Variants in DST observed in about 807,000 individuals in gnomAD.
DST encodes bullous pemphigoid antigen.
A neutral mutation model predicts 875.2 loss-of-function variants in DST; 253 were observed. The ratio of observed to expected loss-of-function variants is 0.29; its 90% CI spans 0.26 to 0.32. DST has a LOEUF of 0.32. DST is among the 10% of genes least tolerant of loss of function. The pLI, the probability that DST is intolerant of heterozygous loss-of-function variation, is 1.00. For synonymous variants in DST, 3,124 were observed against 3,197.1 expected, an observed-to-expected ratio of 0.98 and a Z score of 0.77; for missense variants, 8,287 against 9,111.6, an observed-to-expected ratio of 0.91 and a Z score of 3.68.
intron 7 of DST, among the ~76,000 whole-genome samples, chr6:56,702,735 G>A (rs1482472656): frequency 6.6e-6 from 1 of 152,118 alleles, no homozygotes; most frequent in Non-Finnish European, 1.5e-5. Context: ...AGGAAACAGA[G>A]GAAACAGAGC....
chr6:56,773,845 C>T (rs1422978111), intron 4 of DST, among the ~76,000 whole-genome samples: 3 of 152,038 alleles, frequency 2.0e-5, no homozygotes, highest in Admixed American at 6.6e-5. Flanking sequence ...AGGCTGGGCG[C>T]GGTGGCTCAC....
intron 78 of DST, among the ~76,000 whole-genome samples, chr6:56,503,659 G>A (rs2096218639): frequency 1.4e-5 from 2 of 146,344 alleles, no homozygotes; most frequent in African/African-American, 5.0e-5. Context: ...ATATCAGAAA[G>A]GCTATAAATC....
intron 88 of DST, 28 bp from the exon 89 acceptor site, chr6:56,482,905 A>G (rs1165930327): frequency 2.7e-6 from 4 of 1,461,982 alleles, no homozygotes; most frequent in Non-Finnish European, 3.6e-6. Flanking sequence ...TGAAAAATTA[A>G]TTTTAATTAC....
At chr6:56,632,090 A>G in intron 28 of DST, 50 bp from the exon 29 acceptor site, 1 of 1,472,204 alleles carries the variant, frequency 6.8e-7, no homozygotes, top group Non-Finnish European at 9.4e-7. Flanking sequence ...ATCTCTTAGA[A>G]GCTTCTGTTT....
chr6:56,651,869 C>T (rs1179344840), intron 10 of DST, among the ~76,000 whole-genome samples: 2 of 152,172 alleles, frequency 1.3e-5, no homozygotes, highest in African/African-American at 2.4e-5. Context: ...GGTTCGTGTA[C>T]ATGTATATGT....
chr6:56,563,532 T>C (rs1021823725), intron 55 of DST, among the ~76,000 whole-genome samples: 2 of 152,214 alleles, frequency 1.3e-5, no homozygotes, highest in African/African-American at 4.8e-5. Context: ...ATTCTGTAGG[T>C]TGCCTGTTCA....
chr6:56,463,502 TC>T, intron 101 of DST, 62 bp downstream of exon 101: 1 of 1,420,242 alleles, frequency 7.0e-7, no homozygotes, highest in South Asian at 1.4e-5. Context: ...AATAGAACAT[TC>T]AAAAGTCTAC....
rs557181382 is a variant in DST at position 56,525,005 on chromosome 6, C to A, written c.18129+1356G>T. ...CCCCCATGCCTTTGGAAAACATACG[C>A]AAAACCTTGAAGAACCTGGCCACAG... On this transcript the variant is annotated intron_variant, in intron 69 of 103. Coordinates refer to ENST00000680361, the MANE Select transcript of DST (RefSeq NM_001374736.1). 5.3e-5 allele frequency among the ~76,000 whole-genome samples: 8 copies of A among 152,162 alleles called. No homozygotes were observed. The South Asian group carries it at 1.7e-3, about 32-fold the overall frequency.
intron 4 of DST, among the ~76,000 whole-genome samples, chr6:56,798,734 G>C (rs1474747963): frequency 6.6e-6 from 1 of 152,080 alleles, no homozygotes; most frequent in African/African-American, 2.4e-5. Context: ...AAATTCAATT[G>C]AAAATATTCT....
chr6:56,515,266 CAT>C lies in DST; in HGVS notation c.18576+182_18576+183del, dbSNP rs5876514. ...ATGACATATACAACAAGTATATCCA[CAT>C]GAGTCTTCTCACTATAACCCTGTAT... On this transcript the variant is annotated intron_variant, in intron 72 of 103. Coordinates refer to ENST00000680361, the MANE Select transcript of DST (RefSeq NM_001374736.1). 0.66 allele frequency among the ~76,000 whole-genome samples: 100,411 copies of C among 151,828 alleles called. 33,677 individuals are homozygous for C. The highest frequency in any genetic ancestry group is 0.7 in the Non-Finnish European group (47,747 of 67,850).
intron 49 of DST, among the ~76,000 whole-genome samples, chr6:56,582,869 G>C (rs948464539): frequency 2.6e-5 from 4 of 152,000 alleles, no homozygotes; most frequent in Non-Finnish European, 5.9e-5. Context: ...CCTTGTGATA[G>C]TTTACTGAGA....
chr6:56,669,464 C>T (rs2152826157), intron 10 of DST, among the ~76,000 whole-genome samples: 2 of 151,900 alleles, frequency 1.3e-5, no homozygotes, highest in South Asian at 4.2e-4. Context: ...GGTGTGGTGG[C>T]ATATGCCTGT....
intron 2 of DST, among the ~76,000 whole-genome samples, chr6:56,916,778 T>TCTCACTCA (rs1470233953): frequency 1.1e-5 from 1 of 91,354 alleles, no homozygotes; most frequent in Non-Finnish European, 2.0e-5. Context: ...TCTCTCTCTC[T>TCTCACTCA]CACACACACA....
rs372454727 is a variant in DST at position 56,592,164 on chromosome 6, C to T, written c.12903+18G>A. On this transcript the variant is annotated intron_variant, in intron 49 of 103. Transcript: ENST00000680361. ...CAGTAAGACTACTGGAAATGTGGATCTTTCTCTCGCTTTTTACCTTGGTCT... is the reference window on the plus strand; with the variant it reads ...CAGTAAGACTACTGGAAATGTGGATTTTTCTCTCGCTTTTTACCTTGGTCT... 88 of 1,607,480 alleles carry T rather than the reference C, an allele frequency of 5.5e-5. No individual in the cohort carries two copies. Among genetic ancestry groups the T allele is most frequent in the Non-Finnish European group, 6.9e-5 (81 of 1,177,160 alleles).
chr6:56,602,789 T>C, intron 43 of DST, 93 bp downstream of exon 43: 1 of 958,094 alleles, frequency 1.0e-6, no homozygotes, highest in Non-Finnish European at 1.5e-6. Flanking sequence ...TAATCCTTTG[T>C]AGCCTTAGCA....
At position 56,861,656 on chromosome 6, in the gene DST, C is replaced by A. The variant is rs575970975; in HGVS notation, c.418-10052G>T. ...CTTTCCTGAGGTGATCTGGACCTGT[C>A]CCTTCCTTGCTTTACCCCTAGAGGA... On this transcript the variant is annotated intron_variant, in intron 3 of 103. Coordinates refer to ENST00000680361, the MANE Select transcript of DST (RefSeq NM_001374736.1). 2.6e-5 allele frequency among the ~76,000 whole-genome samples: 4 copies of A among 152,168 alleles called. No homozygotes were observed. In the South Asian group the frequency reaches 6.2e-4, roughly 24 times the overall value.
intron 4 of DST, among the ~76,000 whole-genome samples, chr6:56,796,541 AGTGATAT>A (rs1459332005): frequency 6.6e-6 from 1 of 152,196 alleles, no homozygotes; most frequent in Non-Finnish European, 1.5e-5. Flanking sequence ...TTTGTTATCT[AGTGATAT>A]GATTTAAATA....
Position 56,477,412 on chromosome 6 carries a change from A to G in DST, c.21608T>C (p.Ile7203Thr), listed in dbSNP as rs2095245039. The G allele has an allele frequency of 1.9e-6, 3 of 1,613,880 alleles. No homozygotes were observed. In the African/African-American group the frequency reaches 4.0e-5, roughly 22 times the overall value. Reference protein sequence around the residue: ...ATTMGDTVLAICHPDSITTIK... With the variant: ...ATTMGDTVLATCHPDSITTIK... ...GGTAGTGATGGAGTCGGGGTGGCAG[A>G]TAGCCAAAACGGTGTCGCCCATAGT... The change falls in exon 91 of 104, where the codon ATC (isoleucine) becomes ACC (threonine). Residue 7203 changes from isoleucine (I) to threonine (T), a missense_variant. Ile to Thr is a moderately conservative substitution (Grantham distance 89, BLOSUM62 -1). Around this residue, in one of 10 missense-constraint regions of DST, gnomAD observed 1,292 missense variants for 1,552.7 expected, o/e 0.83. Transcript: ENST00000680361.
chr6:56,799,673 G>A (rs1293469697), intron 4 of DST, among the ~76,000 whole-genome samples: 10 of 151,588 alleles, frequency 6.6e-5, no homozygotes, highest in African/African-American at 2.4e-4. Flanking sequence ...CCCAACTGGA[G>A]TGTAGTGGCA....
Sources: allele counts gnomAD v4.1 joint callset (sites outside exome capture counted in the v4.1 genomes callset), GRCh38; gene constraint gnomAD v4.1.1; regional missense constraint gnomAD v4.1.1; transcripts MANE v1.5; gene names NCBI Gene and HGNC (gene_info 2026-07-23, HGNC 2026-07-21).